The following FBXO32 variants were observed in gnomAD, a reference collection of about 807,000 sequenced individuals.
FBXO32 encodes F-box protein 32.
A neutral mutation model predicts 48.3 loss-of-function variants in FBXO32; 15 were observed. The ratio of observed to expected loss-of-function variants is 0.31; its 90% confidence interval spans 0.21 to 0.48. The LOEUF (loss-of-function observed/expected upper bound fraction) is 0.48. Ranked by LOEUF, FBXO32 falls within the 20% of genes least tolerant of loss-of-function variation. The probability of loss-of-function intolerance (pLI) is 0.99; values close to 1 mark genes in which losing one functional copy is unlikely to be tolerated. For synonymous variants in FBXO32, 154 were observed against 165.9 expected (o/e 0.93, Z 0.55); for missense variants, 309 against 432.7 (o/e 0.71, Z 2.54).
At chr8:123,535,634 G>A (rs774044402) in intron 1 of FBXO32, among the ~76,000 whole-genome samples, 178 of 152,286 alleles carry the variant, frequency 1.2e-3, no homozygotes, top group Non-Finnish European at 2.1e-3. Context: ...TCAGTGGGCT[G>A]AGCAATCATT....
chr8:123,539,887 C>T (rs1318878654), intron 1 of FBXO32, among the ~76,000 whole-genome samples: 2 of 152,202 alleles, frequency 1.3e-5, no homozygotes, highest in Admixed American at 1.3e-4. Flanking sequence ...TCTGGCTGCA[C>T]CAGTCCATTC....
At chr8:123,524,748 C>T (rs1259703556) in intron 4 of FBXO32, among the ~76,000 whole-genome samples, 1 of 152,198 alleles carries the variant, frequency 6.6e-6, no homozygotes, top group East Asian at 1.9e-4. Context: ...GAACTCCTGA[C>T]CTCAGGCGAT....
At chr8:123,519,693 C>T (rs981436921) in intron 4 of FBXO32, among the ~76,000 whole-genome samples, 2 of 152,154 alleles carry the variant, frequency 1.3e-5, no homozygotes, top group South Asian at 4.1e-4. Flanking sequence ...ACCACAGAGT[C>T]TACTTTCCAC....
intron 1 of FBXO32, among the ~76,000 whole-genome samples, chr8:123,539,417 C>T (rs1167616122): frequency 2.6e-5 from 4 of 152,176 alleles, no homozygotes; most frequent in Non-Finnish European, 4.4e-5. Flanking sequence ...CGATAAAAGA[C>T]ATAGTCTGTC....
intron 2 of FBXO32, among the ~76,000 whole-genome samples, chr8:123,533,790 A>G (rs942961573): frequency 5.3e-5 from 8 of 152,096 alleles, no homozygotes; most frequent in Non-Finnish European, 8.8e-5. Context: ...CCTGGGCGAC[A>G]GAGCGAGACT....
intron 4 of FBXO32, 131 bp downstream of exon 4, chr8:123,531,767 G>A: frequency 9.2e-7 from 1 of 1,087,306 alleles, no homozygotes; most frequent in East Asian, 2.6e-5. Context: ...TGAGGGGTCT[G>A]TTTTCTGCTT....
Position 123,514,246 on chromosome 8 carries a change from G to T in FBXO32, c.460C>A (p.Leu154Met). The stretch of plus-strand genomic sequence containing the variant: ...AGAGTGAGAGAAGGCTCACCTTTCA[G>T]TACCACTTTTTCCAAAATATTCATG... ...NFMNILEKVV[L>M]KVLEDQQNIR... The change falls in exon 5 of 9, where the codon CTG becomes ATG. Residue 154 changes from leucine (L) to methionine (M), a missense_variant. By Grantham distance (15) the Leu-to-Met change is conservative (BLOSUM62 2). Transcript: ENST00000517956. 1 of 1,611,982 alleles carries T rather than the reference G, an allele frequency of 6.2e-7. No homozygotes were observed. Among genetic ancestry groups the T allele is most frequent in the Non-Finnish European group, 8.5e-7 (1 of 1,179,016 alleles).
chr8:123,515,821 T>C (rs892526805), intron 4 of FBXO32, among the ~76,000 whole-genome samples: 1 of 151,822 alleles, frequency 6.6e-6, no homozygotes, highest in Non-Finnish European at 1.5e-5. Flanking sequence ...TGAAACTCCA[T>C]CTCTACTAAA....
chr8:123,534,559 G>T, intron 2 of FBXO32, 143 bp downstream of exon 2: 2 of 518,424 alleles, frequency 3.9e-6, no homozygotes, highest in Non-Finnish European at 6.9e-6. Flanking sequence ...TGAGTGCTGA[G>T]ATCTCAGTAA....
rs1477134410 is a variant in FBXO32, at chr8:123,540,945, G to T, written c.70C>A (p.Arg24Ser). ...CTGCCGCTCTTCTCATCCAGGAAGC[G>T]CTTCCAGCCGTCGGCCGTCTTCACC... Reference protein sequence around the residue: ...NWVKTADGWKRFLDEKSGSFV... With the variant: ...NWVKTADGWKSFLDEKSGSFV... The change falls in exon 1 of 9, where the codon CGC becomes AGC. Residue 24 changes from arginine (R) to serine (S), a missense_variant. Physicochemically the swap from Arg to Ser is moderately radical, Grantham distance 110. Transcript: ENST00000517956. The surrounding 1 kb of genome is among the most constrained non-coding windows in gnomAD (Gnocchi z 6.4). 1.2e-6 allele frequency: 2 copies of T among 1,613,420 alleles called. No homozygotes were observed. The highest frequency in any genetic ancestry group is 1.3e-5 in the African/African-American group (1 of 75,030).
intron 4 of FBXO32, among the ~76,000 whole-genome samples, chr8:123,524,813 C>G (rs531471597): frequency 3.0e-4 from 46 of 152,330 alleles, no homozygotes; most frequent in African/African-American, 1.1e-3. Context: ...CCACCACGCC[C>G]GGCTCTGTGC....
At chr8:123,526,506 C>T (rs1036818707) in intron 4 of FBXO32, among the ~76,000 whole-genome samples, 3 of 152,076 alleles carry the variant, frequency 2.0e-5, no homozygotes, top group Admixed American at 6.5e-5. Context: ...GGATTACAGA[C>T]GTGAGCCACC....
At chr8:123,518,324 C>T (rs1392732362) in intron 4 of FBXO32, among the ~76,000 whole-genome samples, 1 of 152,124 alleles carries the variant, frequency 6.6e-6, no homozygotes, top group African/African-American at 2.4e-5. Context: ...TAGCTTTTAC[C>T]ATAATACAGA....
At chr8:123,518,703 C>G (rs2385277) in intron 4 of FBXO32, among the ~76,000 whole-genome samples, 37,758 of 152,096 alleles carry the variant, frequency 0.25, 5,478 homozygotes, top group East Asian at 0.65. Flanking sequence ...AGTGAGATAG[C>G]TTCTCCATTT....
At chr8:123,527,014 C>T (rs2130544402) in intron 4 of FBXO32, 1 of 152,298 alleles carries the variant, frequency 6.6e-6, no homozygotes, top group Middle Eastern at 3.4e-3. Context: ...TCCAATAAAA[C>T]TTTATTTATG....
chr8:123,508,579 T>C (rs999087616), intron 6 of FBXO32, among the ~76,000 whole-genome samples: 5 of 152,180 alleles, frequency 3.3e-5, no homozygotes, highest in African/African-American at 1.2e-4. Context: ...GACTTGACAA[T>C]TTATACCGCT....
chr8:123,512,553 T>C (rs563037271), intron 6 of FBXO32, among the ~76,000 whole-genome samples: 17 of 150,198 alleles, frequency 1.1e-4, no homozygotes, highest in Non-Finnish European at 2.2e-4. Context: ...TTTTTTCTTG[T>C]GCCTTGGTCC....
chr8:123,518,876 C>T (rs1816891918), intron 4 of FBXO32, among the ~76,000 whole-genome samples: 1 of 152,094 alleles, frequency 6.6e-6, no homozygotes, highest in Non-Finnish European at 1.5e-5. Context: ...GGCTGGAGTG[C>T]AGTGGCACAG....
intron 5 of FBXO32, 32 bp downstream of exon 5, chr8:123,514,208 A>T (rs1274249278): frequency 1.9e-6 from 3 of 1,563,108 alleles, no homozygotes; most frequent in Non-Finnish European, 1.8e-6. Context: ...CCATGCCTAT[A>T]AAAAGGGGCG....
Sources: allele counts gnomAD v4.1 joint callset (sites outside exome capture counted in the v4.1 genomes callset), GRCh38; gene constraint gnomAD v4.1.1; non-coding constraint Gnocchi (gnomAD v3.1); transcripts MANE v1.5; gene names NCBI Gene and HGNC (gene_info 2026-07-23, HGNC 2026-07-21).